The following DOCK5 variants were observed in gnomAD, a reference collection of about 807,000 sequenced individuals.
DOCK5 encodes dedicator of cytokinesis protein 5.
In DOCK5, 142 loss-of-function variants were observed where a neutral mutation model predicts 251.8. That is an observed-to-expected ratio of 0.56 (90% CI 0.49 to 0.65). The LOEUF (loss-of-function observed/expected upper bound fraction) is 0.65. Among genes scored for constraint, DOCK5 ranks in the 30% least tolerant of loss-of-function variants. DOCK5 has a pLI of 0.00. For missense variants in DOCK5, 2,111 were observed against 2,312.3 expected (o/e 0.91, Z 1.79); for synonymous variants, 842 against 835.5 (o/e 1.01, Z -0.13).
intron 47 of DOCK5, among the ~76,000 whole-genome samples, chr8:25,402,605 C>A (rs1801458062): frequency 1.3e-5 from 2 of 151,680 alleles, no homozygotes; most frequent in African/African-American, 4.8e-5. Flanking sequence ...CCACACCCAG[C>A]TAATTTTTAA....
chr8:25,366,422 G>T (rs1360199992), intron 30 of DOCK5, among the ~76,000 whole-genome samples: 1 of 152,170 alleles, frequency 6.6e-6, no homozygotes, highest in African/African-American at 2.4e-5. Flanking sequence ...GGGAGGCGGA[G>T]GTTGCAGTGA....
intron 1 of DOCK5, among the ~76,000 whole-genome samples, chr8:25,234,891 T>G (rs1366641026): frequency 6.6e-6 from 1 of 152,224 alleles, no homozygotes; most frequent in East Asian, 1.9e-4. Flanking sequence ...GATTTGTTCT[T>G]GACCTCTCCA....
At chr8:25,373,274 AG>A (rs1800907169) in intron 35 of DOCK5, among the ~76,000 whole-genome samples, 1 of 152,202 alleles carries the variant, frequency 6.6e-6, no homozygotes, top group Admixed American at 6.5e-5. Flanking sequence ...CTGGGATTAC[AG>A]GCGTGAGCCA....
At chr8:25,202,080 A>G (rs1236559317) in intron 1 of DOCK5, among the ~76,000 whole-genome samples, 1 of 152,128 alleles carries the variant, frequency 6.6e-6, no homozygotes, top group East Asian at 1.9e-4. Context: ...GCAGTGGCAC[A>G]ATCGTGGCTC....
At chr8:25,314,330 G>A (rs1805180555) in intron 13 of DOCK5, among the ~76,000 whole-genome samples, 2 of 150,236 alleles carry the variant, frequency 1.3e-5, no homozygotes, top group Admixed American at 6.6e-5. Context: ...TGTTGCCCAG[G>A]CTAATCTTGA....
At chr8:25,206,695 C>G (rs1315311377) in intron 1 of DOCK5, among the ~76,000 whole-genome samples, 1 of 152,166 alleles carries the variant, frequency 6.6e-6, no homozygotes, top group Non-Finnish European at 1.5e-5. Context: ...GACACACTAC[C>G]TAGAGGCCAT....
At chr8:25,361,029 C>T (rs1800669077) in intron 28 of DOCK5, among the ~76,000 whole-genome samples, 2 of 152,124 alleles carry the variant, frequency 1.3e-5, no homozygotes, top group African/African-American at 4.8e-5. Flanking sequence ...AGCTACCGTG[C>T]ACAGCTAGGC....
Position 25,373,634 on chromosome 8 carries a change from A to C in DOCK5, c.3701A>C (p.Lys1234Thr). The change falls in exon 36 of 52, where the codon AAG becomes ACG. Residue 1234 changes from lysine (K) to threonine (T), a missense_variant. By Grantham distance (78) the Lys-to-Thr change is moderately conservative. This residue lies in a region of DOCK5 where 1,717 missense variants were observed against 1,892.4 expected (regional missense o/e 0.91). Coordinates refer to ENST00000276440, the MANE Select transcript of DOCK5 (RefSeq NM_024940.8). Reference sequence around the variant, plus strand: ...TCCTGGCAGAACTTTTATAAAGAAAAGAAGAGAGAGGACATATACATAAGG... The same window carrying C: ...TCCTGGCAGAACTTTTATAAAGAAACGAAGAGAGAGGACATATACATAAGG... ...TVNVLNFYKEKKREDIYIRYL... is the reference protein window; with the variant it reads ...TVNVLNFYKETKREDIYIRYL... 6.3e-7 allele frequency: 1 copy of C among 1,597,240 alleles called. No individual in the cohort carries two copies.
At chr8:25,262,631 C>A (rs78002800) in intron 2 of DOCK5, among the ~76,000 whole-genome samples, 4,407 of 152,188 alleles carry the variant, frequency 0.029, 193 homozygotes, top group African/African-American at 0.096. Context: ...CTTCTTAACT[C>A]CTCTCGAATT....
chr8:25,401,478 A>G (rs1466008543), intron 47 of DOCK5, among the ~76,000 whole-genome samples: 4 of 152,222 alleles, frequency 2.6e-5, no homozygotes, highest in African/African-American at 9.6e-5. Flanking sequence ...CACAGCTGTA[A>G]TCCCAGCACT....
intron 45 of DOCK5, among the ~76,000 whole-genome samples, chr8:25,398,624 C>T (rs1320765907): frequency 2.0e-5 from 3 of 152,126 alleles, no homozygotes; most frequent in Non-Finnish European, 2.9e-5. Context: ...CTTGGTGCTC[C>T]GTGGCTTGAG....
intron 5 of DOCK5, among the ~76,000 whole-genome samples, chr8:25,282,851 A>C (rs1223517063): frequency 4.8e-4 from 5 of 10,462 alleles, no homozygotes; most frequent in Non-Finnish European, 5.5e-3. Context: ...CCCTTTCTCA[A>C]AAAAAAAAAA....
chr8:25,268,860 A>G lies in DOCK5; in HGVS notation c.143A>G (p.Tyr48Cys), dbSNP rs1425391810. 1.9e-6 allele frequency: 3 copies of G among 1,564,780 alleles called. No homozygotes were observed. The highest frequency in any genetic ancestry group is 2.1e-5 in the Admixed American group (1 of 48,068). Residue 48 changes from tyrosine to cysteine, a missense_variant, in exon 3 of 52, where the codon TAT (tyrosine) becomes TGT (cysteine). Coordinates refer to ENST00000276440, the MANE Select transcript of DOCK5 (RefSeq NM_024940.8). ...LEMYEGWYRG[Y>C]TLQNKSKKGI... ...GCTCTGACAGGTTGGTACAGAGGATATACCCTCCAAAATAAATCTAAAAAG... is the reference window on the plus strand; with the variant it reads ...GCTCTGACAGGTTGGTACAGAGGATGTACCCTCCAAAATAAATCTAAAAAG...
Position 25,184,906 on chromosome 8 carries a change from G to T in DOCK5, c.-3G>T. On this transcript the variant is annotated 5_prime_UTR_variant, in exon 1 of 52. Coordinates refer to ENST00000276440, the MANE Select transcript of DOCK5 (RefSeq NM_024940.8). Reference sequence around the variant, plus strand: ...GCCGCCGCCGCGGGGCGAGGTCGCCGCCATGGCCCGCTGGATCCCGACCAA... The same window carrying T: ...GCCGCCGCCGCGGGGCGAGGTCGCCTCCATGGCCCGCTGGATCCCGACCAA... 7.0e-7 allele frequency: 1 copy of T among 1,425,326 alleles called. No homozygotes were observed. Among genetic ancestry groups the T allele is most frequent in the Non-Finnish European group, 9.3e-7 (1 of 1,080,222 alleles). The allele number at this position is 1,425,326 out of a possible 1,614,324, so 88.3% of individuals were successfully genotyped here.
chr8:25,334,089 T>G lies in DOCK5; in HGVS notation c.2092-7T>G. 1 of 1,610,162 alleles carries G rather than the reference T, an allele frequency of 6.2e-7. No homozygotes were observed. Among genetic ancestry groups the G allele is most frequent in the Non-Finnish European group, 8.5e-7 (1 of 1,176,484 alleles). On this transcript the variant is annotated splice_region_variant and splice_polypyrimidine_tract_variant and intron_variant, in intron 20 of 51. Transcript: ENST00000276440. ...GTGCTGCTATTTCTATTTTTCACTTTTGGCAGGTATTTATTATTTCACTGA... is the reference window on the plus strand; with the variant it reads ...GTGCTGCTATTTCTATTTTTCACTTGTGGCAGGTATTTATTATTTCACTGA...
At chr8:25,213,048 C>T (rs1216958311) in intron 1 of DOCK5, among the ~76,000 whole-genome samples, 2 of 22,710 alleles carry the variant, frequency 8.8e-5, no homozygotes, top group South Asian at 2.4e-3. Flanking sequence ...CATGGGTGGA[C>T]GAGTTTGTTG....
chr8:25,412,307 C>G lies in DOCK5; in HGVS notation c.*1009C>G, dbSNP rs1801646473. On this transcript the variant is annotated 3_prime_UTR_variant, in exon 52 of 52. Transcript: ENST00000276440. ...TTAATTTGATTGCTTGCTAATGGTA[C>G]TAGTAGTACTCCTTTCAGAAGAAAA... 6.6e-6 allele frequency: 1 copy of G among 152,026 alleles called. No individual in the cohort carries two copies. The highest frequency in any genetic ancestry group is 1.5e-5 in the Non-Finnish European group (1 of 68,012). The allele number at this position is 152,026 out of a possible 1,614,324, so 9.4% of individuals were successfully genotyped here.
chr8:25,241,258 C>T (rs889895437), intron 1 of DOCK5, among the ~76,000 whole-genome samples: 11 of 152,004 alleles, frequency 7.2e-5, no homozygotes, highest in African/African-American at 2.4e-4. Flanking sequence ...GGGTGGATCA[C>T]GAGGTTAGGA....
chr8:25,335,128 T>C (rs1248825749), intron 21 of DOCK5, among the ~76,000 whole-genome samples: 1 of 152,192 alleles, frequency 6.6e-6, no homozygotes, highest in African/African-American at 2.4e-5. Flanking sequence ...CAGAATGTGA[T>C]AAATAGTGAA....
Sources: gnomAD v4.1 joint callset for allele counts (sites outside exome capture counted in the v4.1 genomes callset) on GRCh38, gnomAD v4.1.1 for gene constraint, gnomAD v4.1.1 regional missense constraint, MANE v1.5 for transcripts, NCBI Gene and HGNC (gene_info 2026-07-23, HGNC 2026-07-21) for gene names.